The following ORC1 variants were observed in gnomAD, a reference collection of about 807,000 sequenced individuals.
ORC1 encodes the protein origin recognition complex subunit 1.
A neutral mutation model predicts 98.9 loss-of-function variants in ORC1; 61 were observed. The ratio of observed to expected loss-of-function variants is 0.62; its 90% CI spans 0.50 to 0.76. ORC1 has a LOEUF of 0.76. ORC1 is among the 30% of genes least tolerant of loss of function. The pLI is 0.00. For missense variants in ORC1, 979 were observed against 1,072.2 expected, an observed-to-expected ratio of 0.91 and a Z score of 1.21; for synonymous variants, 385 against 406.9, an observed-to-expected ratio of 0.95 and a Z score of 0.65.
In ORC1 at chr1:52,374,848, A is replaced by G; in HGVS notation, c.2353T>C (p.Phe785Leu). 1 of 1,613,996 alleles carries G rather than the reference A, an allele frequency of 6.2e-7. No individual in the cohort carries two copies. The highest frequency in any genetic ancestry group is 8.5e-7 in the Non-Finnish European group (1 of 1,179,856). The change falls in exon 16 of 17, where the codon TTC becomes CTC. Residue 785 changes from phenylalanine (F) to leucine (L), a missense_variant. Phe to Leu is a conservative substitution (Grantham distance 22). Coordinates refer to ENST00000371568, the MANE Select transcript of ORC1 (RefSeq NM_004153.4). Reference protein sequence around the residue: ...QSFLRAILAEFRRSGLEEATF... With the variant: ...QSFLRAILAELRRSGLEEATF... ...GCTTCCTCCAGTCCTGATCGACGGA[A>G]CTCTGCGAGGATGGCTCTCAGGAAG...
intron 7 of ORC1, 34 bp from the exon 8 acceptor site, chr1:52,388,671 T>C: frequency 6.4e-7 from 1 of 1,558,870 alleles, no homozygotes; most frequent in Middle Eastern, 2.1e-4. Context: ...TGATACTCAG[T>C]GTTCAAGTCT....
upstream of ORC1, among the ~76,000 whole-genome samples, chr1:52,406,238 C>A (rs548576180): frequency 2.0e-5 from 3 of 152,072 alleles, no homozygotes; most frequent in Non-Finnish European, 2.9e-5. Flanking sequence ...ATCCCCTCCC[C>A]CCCCGGGCCT....
chr1:52,388,684 A>G (rs1557577787), intron 7 of ORC1, 47 bp from the exon 8 acceptor site: 7 of 1,513,988 alleles, frequency 4.6e-6, no homozygotes, highest in Non-Finnish European at 5.5e-6. Context: ...TCAAGTCTAA[A>G]TAAGAAGAAC....
intron 11 of ORC1, 81 bp downstream of exon 11, chr1:52,384,469 C>T (rs776316025): frequency 2.0e-4 from 261 of 1,298,068 alleles, no homozygotes; most frequent in Middle Eastern, 3.7e-4. Flanking sequence ...ATGCAATACA[C>T]GCAAAATTAA....
At chr1:52,408,511 T>C, upstream of ORC1, 1 of 1,612,050 alleles carries the variant, frequency 6.2e-7, no homozygotes. Flanking sequence ...GAACAGCTAG[T>C]TGTAAAACTC....
chr1:52,390,816 C>T (rs1647198603), intron 6 of ORC1, among the ~76,000 whole-genome samples: 1 of 150,210 alleles, frequency 6.7e-6, no homozygotes, highest in Admixed American at 6.7e-5. Flanking sequence ...CGCTTGAACC[C>T]GGGAGGCGGA....
chr1:52,379,241 AT>A lies in ORC1; in HGVS notation c.2133+2400del, dbSNP rs1202537038. On this transcript the variant is annotated intron_variant, in intron 14 of 16. Coordinates refer to ENST00000371568, the MANE Select transcript of ORC1 (RefSeq NM_004153.4). Reference sequence around the variant, plus strand: ...GGGGGTTGTTTAGCTAAAGTAGGGTATTTTTTTTTTTTTTTTTTCTGAGACG... The same window carrying A: ...GGGGGTTGTTTAGCTAAAGTAGGGTATTTTTTTTTTTTTTTTTCTGAGACG... 9.3e-3 allele frequency among the ~76,000 whole-genome samples: 1,171 copies of A among 125,588 alleles called. 9 individuals are homozygous for A. The highest frequency in any genetic ancestry group is 0.026 in the African/African-American group (903 of 34,344). The allele number at this position is 125,588 out of a possible 152,430, so 82.4% of individuals were successfully genotyped here.
Position 52,393,763 on chromosome 1 carries a change from G to A in ORC1, c.762C>T (p.Ala254=), listed in dbSNP as rs199897067. 33 of 1,613,874 alleles carry A rather than the reference G, an allele frequency of 2.0e-5. No homozygotes were observed. The highest frequency in any genetic ancestry group is 2.8e-5 in the Non-Finnish European group (33 of 1,179,956). ...TTATTCTTCCTGGAGAATCCAAGGA[G>A]GCACATGAAGTCTGCTGGGACATCT... ...NPQMSQQTSC[A]SLDSPGRIKR... The change falls in exon 6 of 17, where the codon GCC becomes GCT. Residue 254 remains alanine, a synonymous_variant. Transcript: ENST00000371568.
chr1:52,408,703 C>G (rs1648068193), upstream of ORC1: 3 of 1,611,968 alleles, frequency 1.9e-6, no homozygotes, highest in Non-Finnish European at 2.5e-6. Flanking sequence ...AAGTATGGTG[C>G]TAAGTCTCCT....
intron 14 of ORC1, among the ~76,000 whole-genome samples, chr1:52,380,337 T>C (rs76763132): frequency 6.6e-6 from 1 of 152,268 alleles, no homozygotes; most frequent in Admixed American, 6.5e-5. Context: ...CGATGCAAGA[T>C]AGAGACCAAA....
At chr1:52,397,968 T>G (rs1647496767) in intron 3 of ORC1, 105 bp from the exon 4 acceptor site, 3 of 1,046,814 alleles carry the variant, frequency 2.9e-6, no homozygotes, top group South Asian at 2.6e-5. Context: ...ACATGTGTGG[T>G]TTTGTTTTTT....
At chr1:52,391,639 C>T (rs1030459198) in intron 6 of ORC1, among the ~76,000 whole-genome samples, 2 of 152,096 alleles carry the variant, frequency 1.3e-5, no homozygotes, top group East Asian at 3.9e-4. Flanking sequence ...TGGCTCACGC[C>T]TATAATCCCA....
chr1:52,383,577 G>C lies in ORC1; in HGVS notation c.1864-8C>G. On this transcript the variant is annotated splice_polypyrimidine_tract_variant and splice_region_variant and intron_variant, in intron 12 of 16. Transcript: ENST00000371568. ...AGTCCACAGAAGGTCGAGCTGCCAG[G>C]GCAAAGGAGAGAGGTGCAGAGTCAA... The C allele has an allele frequency of 1.2e-6, 2 of 1,614,008 alleles. No individual in the cohort carries two copies. Among genetic ancestry groups the C allele is most frequent in the Non-Finnish European group, 1.7e-6 (2 of 1,180,006 alleles).
At chr1:52,408,262 A>G, upstream of ORC1, 1 of 434,980 alleles carries the variant, frequency 2.3e-6, no homozygotes, top group Non-Finnish European at 4.4e-6. Context: ...AAAATTCAGT[A>G]TTTCTTTTGA....
At chr1:52,383,613 T>C (rs1419717165) in intron 12 of ORC1, 44 bp from the exon 13 acceptor site, 2 of 1,609,074 alleles carry the variant, frequency 1.2e-6, no homozygotes, top group East Asian at 2.2e-5. Context: ...TCACAGAGAC[T>C]GAGCTGGTGC....
chr1:52,388,548 G>C lies in ORC1; in HGVS notation c.1277C>G (p.Ala426Gly), dbSNP rs765429397. 5 of 1,614,074 alleles carry C rather than the reference G, an allele frequency of 3.1e-6. No homozygotes were observed. In the East Asian group the frequency reaches 1.1e-4, roughly 36 times the overall value. ...TCTCCTTGGAAGGGGCGGTGTGGAA[G>C]CCTCTTCTTCGTCACTGCTAGAGTC... ...ISDSSSDEEEASTPPLPRRAP... is the reference protein window; with the variant it reads ...ISDSSSDEEEGSTPPLPRRAP... Residue 426 changes from alanine to glycine, a missense_variant, in exon 8 of 17, where the codon GCT becomes GGT. Transcript: ENST00000371568.
Position 52,372,995 on chromosome 1 carries a change from G to C in ORC1, c.*186C>G. On this transcript the variant is annotated 3_prime_UTR_variant, in exon 17 of 17. Coordinates refer to ENST00000371568, the MANE Select transcript of ORC1 (RefSeq NM_004153.4). ...TCTCTACAAAAAATCAGCTGGGCAT[G>C]GTGGCATGTGCCTGTAGTTTCAGCC... is the stretch of plus-strand genomic sequence containing the variant. 1.5e-6 allele frequency: 1 copy of C among 665,510 alleles called. No homozygotes were observed. Among genetic ancestry groups the C allele is most frequent in the Non-Finnish European group, 2.7e-6 (1 of 366,930 alleles). The allele number at this position is 665,510 out of a possible 1,614,324, so 41.2% of individuals were successfully genotyped here. A position where few individuals can be genotyped will look rare whatever the true frequency, so the allele number is the denominator to read the frequency against.
intron 6 of ORC1, among the ~76,000 whole-genome samples, chr1:52,390,111 G>A (rs922520617): frequency 6.6e-6 from 1 of 152,160 alleles, no homozygotes; most frequent in African/African-American, 2.4e-5. Flanking sequence ...TGACCACAAT[G>A]CAAAAGCAAT....
At chr1:52,375,384 T>A in intron 15 of ORC1, 46 bp downstream of exon 15, 2 of 1,578,200 alleles carry the variant, frequency 1.3e-6, no homozygotes, top group East Asian at 2.2e-5. Context: ...AAGGGAAACA[T>A]GTTTCTACAG....
Sources: gnomAD v4.1 joint callset for allele counts (sites outside exome capture counted in the v4.1 genomes callset) on GRCh38, gnomAD v4.1.1 for gene constraint, MANE v1.5 for transcripts, NCBI Gene and HGNC (gene_info 2026-07-23, HGNC 2026-07-21) for gene names.